Variants in IMMP2L observed in about 807,000 individuals in gnomAD.
The protein encoded by IMMP2L is mitochondrial inner membrane protease subunit 2.
In IMMP2L, 18 loss-of-function variants were observed where a neutral mutation model predicts 19.3. The observed-to-expected ratio is 0.93, with a 90% CI of 0.64 to 1.38. The LOEUF (loss-of-function observed/expected upper bound fraction) is 1.38, where lower values mean the gene tolerates loss of function less well. Ranked by LOEUF, IMMP2L falls within the 40% of genes most tolerant of loss-of-function variation. The pLI is 0.00. For synonymous variants in IMMP2L, 76 were observed against 73.0 expected, an observed-to-expected ratio of 1.04 and a Z score of -0.21; for missense variants, 233 against 218.2, an observed-to-expected ratio of 1.07 and a Z score of -0.43.
chr7:110,845,387 CTG>C (rs1186082261), intron 5 of IMMP2L, among the ~76,000 whole-genome samples: 2 of 152,164 alleles, frequency 1.3e-5, no homozygotes, highest in Non-Finnish European at 2.9e-5. Context: ...GCCTGCTCGT[CTG>C]TGTTTTTAAA....
intron 3 of IMMP2L, among the ~76,000 whole-genome samples, chr7:111,458,289 G>C (rs1433321282): frequency 1.3e-5 from 2 of 151,926 alleles, no homozygotes; most frequent in African/African-American, 4.8e-5. Context: ...TGAGGCAGGA[G>C]AATCACTTGA....
At chr7:111,057,889 T>A (rs2129574158) in intron 3 of IMMP2L, among the ~76,000 whole-genome samples, 1 of 152,320 alleles carries the variant, frequency 6.6e-6, no homozygotes, top group Non-Finnish European at 1.5e-5. Flanking sequence ...AGGAATTTCT[T>A]CAACTGTATG....
intron 3 of IMMP2L, among the ~76,000 whole-genome samples, chr7:111,048,615 T>C (rs1338359951): frequency 1.3e-5 from 2 of 152,168 alleles, no homozygotes; most frequent in African/African-American, 2.4e-5. Flanking sequence ...TCAATAAATA[T>C]TTGTTGAATA....
At chr7:111,316,734 TATC>T (rs767966095) in intron 3 of IMMP2L, among the ~76,000 whole-genome samples, 3 of 151,770 alleles carry the variant, frequency 2.0e-5, no homozygotes, top group Non-Finnish European at 4.4e-5. Flanking sequence ...GTAAAAAAAT[TATC>T]ATATTTACAA....
chr7:110,734,016 T>C (rs1263372923), intron 5 of IMMP2L, among the ~76,000 whole-genome samples: 1 of 152,090 alleles, frequency 6.6e-6, no homozygotes, highest in South Asian at 2.1e-4. Flanking sequence ...GTAGCATGAA[T>C]AGACTGAGAC....
intron 4 of IMMP2L, among the ~76,000 whole-genome samples, chr7:110,914,414 C>A (rs1352375398): frequency 1.3e-5 from 2 of 152,154 alleles, no homozygotes; most frequent in Non-Finnish European, 2.9e-5. Context: ...TATTAATCAT[C>A]AGTCCTCTTC....
intron 4 of IMMP2L, among the ~76,000 whole-genome samples, chr7:110,955,391 G>A (rs940256247): frequency 2.6e-5 from 4 of 151,902 alleles, no homozygotes; most frequent in African/African-American, 9.7e-5. Context: ...GGTAACATCA[G>A]AGGGATACTG....
In IMMP2L at chr7:111,445,724, C is replaced by G. The variant is rs187423724; in HGVS notation, c.239+41514G>C. ...AGGAGCCAAGATGGCCGAATAGGAA[C>G]AGCTCCGGTCTACAGCTCCCAGCGT... On this transcript the variant is annotated intron_variant, in intron 3 of 5. Coordinates refer to ENST00000405709, the MANE Select transcript of IMMP2L (RefSeq NM_032549.4). 7.9e-4 allele frequency among the ~76,000 whole-genome samples: 121 copies of G among 152,260 alleles called. 1 individual carries two copies. Among genetic ancestry groups the G allele is most frequent in the Non-Finnish European group, 1.5e-3 (100 of 68,006 alleles).
intron 3 of IMMP2L, among the ~76,000 whole-genome samples, chr7:111,334,154 G>GTA (rs1826162119): frequency 6.6e-6 from 1 of 151,754 alleles, no homozygotes; most frequent in Non-Finnish European, 1.5e-5. Flanking sequence ...ATTTTTAAGT[G>GTA]TATAATTTGG....
chr7:111,359,268 T>C (rs1327775147), intron 3 of IMMP2L, among the ~76,000 whole-genome samples: 1 of 152,054 alleles, frequency 6.6e-6, no homozygotes, highest in African/African-American at 2.4e-5. Flanking sequence ...AGGGCATCCA[T>C]GTGAGGTGGC....
chr7:111,123,553 A>T lies in IMMP2L; in HGVS notation c.240-159988T>A. The T allele has an allele frequency of 6.2e-7, 1 of 1,613,830 alleles. No individual in the cohort carries two copies. The highest frequency in any genetic ancestry group is 8.5e-7 in the Non-Finnish European group (1 of 1,179,898). On this transcript the variant is annotated intron_variant, in intron 3 of 5. Transcript: ENST00000405709. This position sits in a 1 kb window ranked among gnomAD's most constrained non-coding sequence, Gnocchi z 6.4. The stretch of plus-strand genomic sequence containing the variant: ...CCATGTTGCTCTTCAAAAAGTTGTA[A>T]ATCTCAAATTTTTGGATCTAAATAA...
At chr7:111,509,302 C>G (rs1845229992) in intron 2 of IMMP2L, among the ~76,000 whole-genome samples, 1 of 152,066 alleles carries the variant, frequency 6.6e-6, no homozygotes, top group Non-Finnish European at 1.5e-5. Context: ...TAAAAAAGGC[C>G]CAAGGACCAC....
intron 4 of IMMP2L, among the ~76,000 whole-genome samples, chr7:110,920,841 C>T (rs1419104752): frequency 6.6e-6 from 1 of 152,182 alleles, no homozygotes; most frequent in Non-Finnish European, 1.5e-5. Context: ...AGTTCGCATA[C>T]ACCTTTCACC....
At chr7:111,270,842 T>G (rs1818384341) in intron 3 of IMMP2L, among the ~76,000 whole-genome samples, 1 of 152,220 alleles carries the variant, frequency 6.6e-6, no homozygotes, top group Non-Finnish European at 1.5e-5. Context: ...TGGATTTTGT[T>G]TATGCCAACT....
intron 4 of IMMP2L, among the ~76,000 whole-genome samples, chr7:110,944,467 G>GCA (rs1407967645): frequency 6.6e-6 from 1 of 151,648 alleles, no homozygotes; most frequent in Non-Finnish European, 1.5e-5. Flanking sequence ...GTGTGTGCGC[G>GCA]CGCACGTGTG....
At chr7:110,948,194 G>T (rs1817446240) in intron 4 of IMMP2L, among the ~76,000 whole-genome samples, 1 of 152,022 alleles carries the variant, frequency 6.6e-6, no homozygotes, top group Admixed American at 6.6e-5. Context: ...TTAAAAAATA[G>T]AAATCTATCA....
chr7:110,713,067 A>G (rs944914669), intron 5 of IMMP2L, among the ~76,000 whole-genome samples: 9 of 152,206 alleles, frequency 5.9e-5, no homozygotes, highest in African/African-American at 2.2e-4. Flanking sequence ...TTTTTAATCC[A>G]TCTTGAGTTG....
intron 3 of IMMP2L, among the ~76,000 whole-genome samples, chr7:111,389,411 A>T (rs1832114534): frequency 6.6e-6 from 1 of 152,120 alleles, no homozygotes; most frequent in Non-Finnish European, 1.5e-5. Flanking sequence ...TATTGTATCA[A>T]TACTAGTTTC....
intron 2 of IMMP2L, among the ~76,000 whole-genome samples, chr7:111,518,755 T>G (rs1365919632): frequency 1.3e-5 from 2 of 152,112 alleles, no homozygotes; most frequent in African/African-American, 4.8e-5. Context: ...AAACTGTAAA[T>G]TAAATTATCT....
Sources: allele counts gnomAD v4.1 joint callset (sites outside exome capture counted in the v4.1 genomes callset), GRCh38; gene constraint gnomAD v4.1.1; non-coding constraint Gnocchi (gnomAD v3.1); transcripts MANE v1.5; gene names NCBI Gene and HGNC (gene_info 2026-07-23, HGNC 2026-07-21).